ME1: variants seen among roughly 807,000 people sequenced by gnomAD.
ME1 encodes the protein NADP-dependent malic enzyme.
Under a neutral mutation model 66.4 loss-of-function variants are expected in ME1, and 74 were observed. The ratio of observed to expected loss-of-function variants is 1.11; its 90% CI spans 0.92 to 1.35. ME1 has a LOEUF of 1.35. Among genes scored for constraint, ME1 ranks in the 40% most tolerant of loss-of-function variants. The pLI is 0.00. For synonymous variants in ME1, 251 were observed against 235.6 expected, an observed-to-expected ratio of 1.07 and a Z score of -0.60; for missense variants, 750 against 694.1, an observed-to-expected ratio of 1.08 and a Z score of -0.90.
chr6:83,397,584 G>C (rs955644103), intron 3 of ME1, among the ~76,000 whole-genome samples: 1 of 152,050 alleles, frequency 6.6e-6, no homozygotes, highest in African/African-American at 2.4e-5. Context: ...AAAAAATTAA[G>C]AATAGAACTA....
rs533075015 is a variant in ME1, at chr6:83,313,246, T to A, written c.704+2064A>T. ...AGATCATTTTCCTGAAACAATGTTA[T>A]GACAGAAAGTATTTTTTTAGTCTTT... is the stretch of plus-strand genomic sequence containing the variant. On this transcript the variant is annotated intron_variant, in intron 6 of 13. Coordinates refer to ENST00000369705, the MANE Select transcript of ME1 (RefSeq NM_002395.6). Among the ~76,000 whole-genome samples the A allele has an allele frequency of 3.3e-5, 5 of 152,344 alleles. No homozygotes were observed. The East Asian group carries it at 9.6e-4, about 29-fold the overall frequency.
intron 9 of ME1, among the ~76,000 whole-genome samples, chr6:83,237,274 A>AGGAAG (rs1266845892): frequency 9.6e-5 from 8 of 83,732 alleles, no homozygotes; most frequent in African/African-American, 3.3e-4. Flanking sequence ...AAAGAAAGAA[A>AGGAAG]GAAAGGAAGG....
At chr6:83,301,507 TA>T (rs1767720075) in intron 6 of ME1, among the ~76,000 whole-genome samples, 1 of 152,028 alleles carries the variant, frequency 6.6e-6, no homozygotes. Context: ...CATGCCTGGC[TA>T]ATTTTTGTAT....
chr6:83,310,262 T>G (rs1200227410), intron 6 of ME1, among the ~76,000 whole-genome samples: 1 of 152,124 alleles, frequency 6.6e-6, no homozygotes, highest in Non-Finnish European at 1.5e-5. Flanking sequence ...TGCAGGAATA[T>G]AAAGCCTTGA....
chr6:83,405,519 T>C (rs1273861929), intron 2 of ME1, among the ~76,000 whole-genome samples: 1 of 152,144 alleles, frequency 6.6e-6, no homozygotes, highest in Non-Finnish European at 1.5e-5. Flanking sequence ...CTGATTGACC[T>C]AGCCAGAACT....
chr6:83,357,988 TC>T (rs1268216691), intron 3 of ME1, among the ~76,000 whole-genome samples: 1 of 135,758 alleles, frequency 7.4e-6, no homozygotes, highest in Non-Finnish European at 1.6e-5. Flanking sequence ...ATTAGTTCTG[TC>T]CCTCTAGAGA....
intron 6 of ME1, among the ~76,000 whole-genome samples, chr6:83,277,364 C>G (rs1441853315): frequency 6.6e-6 from 1 of 152,070 alleles, no homozygotes; most frequent in Admixed American, 6.5e-5. Context: ...GCCTCAGCAC[C>G]CCCAGTTTAA....
chr6:83,242,247 T>C (rs1383603363), intron 7 of ME1, among the ~76,000 whole-genome samples: 1 of 152,208 alleles, frequency 6.6e-6, no homozygotes, highest in African/African-American at 2.4e-5. Flanking sequence ...TTTAGAAACT[T>C]ACGACTTTAA....
chr6:83,426,914 T>C (rs1169038514), intron 1 of ME1, among the ~76,000 whole-genome samples: 2 of 152,152 alleles, frequency 1.3e-5, no homozygotes, highest in Non-Finnish European at 2.9e-5. Flanking sequence ...TTTTCTACCA[T>C]TGCAAAGGGA....
At chr6:83,419,807 A>G (rs1038538712) in intron 1 of ME1, among the ~76,000 whole-genome samples, 2 of 152,304 alleles carry the variant, frequency 1.3e-5, no homozygotes, top group East Asian at 1.9e-4. Flanking sequence ...ATTGCCTACG[A>G]CAACATCTAT....
rs147037561 is a variant in ME1, at chr6:83,319,404, A to G, written c.601-3991T>C. Among the ~76,000 whole-genome samples the G allele has an allele frequency of 3.9e-3, 601 of 152,300 alleles. 3 individuals are homozygous for G. Among genetic ancestry groups the G allele is most frequent in the African/African-American group, 0.014 (565 of 41,588 alleles). ...ATCACTCTGACATGCCAGCCAACAT[A>G]GGAAGGAGGCCTATTTTGAAAGAAT... On this transcript the variant is annotated intron_variant, in intron 5 of 13. Coordinates refer to ENST00000369705, the MANE Select transcript of ME1 (RefSeq NM_002395.6).
chr6:83,377,450 T>C (rs183811888), intron 3 of ME1, among the ~76,000 whole-genome samples: 4 of 152,296 alleles, frequency 2.6e-5, no homozygotes, highest in Admixed American at 2.0e-4. Flanking sequence ...CTATCAAAAA[T>C]GTCTTTTCAG....
chr6:83,249,861 C>T (rs1350979575), intron 7 of ME1, among the ~76,000 whole-genome samples: 1 of 152,166 alleles, frequency 6.6e-6, no homozygotes, highest in Non-Finnish European at 1.5e-5. Context: ...ATGTCTAGGC[C>T]TTTCCCCCAT....
intron 2 of ME1, among the ~76,000 whole-genome samples, chr6:83,406,170 G>C (rs1769940530): frequency 6.6e-6 from 1 of 152,166 alleles, no homozygotes; most frequent in Admixed American, 6.5e-5. Context: ...TGCATCCCAG[G>C]GATGAAGCCA....
chr6:83,279,606 AAGAG>A (rs1331919591), intron 6 of ME1, among the ~76,000 whole-genome samples: 4 of 152,162 alleles, frequency 2.6e-5, no homozygotes, highest in African/African-American at 9.6e-5. Flanking sequence ...AAAGAGAAAA[AAGAG>A]AGAGAGAAAA....
chr6:83,248,697 T>C (rs1790667075), intron 7 of ME1, among the ~76,000 whole-genome samples: 1 of 152,162 alleles, frequency 6.6e-6, no homozygotes, highest in Admixed American at 6.5e-5. Flanking sequence ...CCTTCACTCA[T>C]CTCTCTCCTG....
intron 6 of ME1, among the ~76,000 whole-genome samples, chr6:83,299,680 G>C (rs1042161139): frequency 6.6e-6 from 1 of 152,156 alleles, no homozygotes; most frequent in African/African-American, 2.4e-5. Context: ...ACTTGTGCCA[G>C]TTTTCAAGGG....
rs142379311 is a variant in ME1, at chr6:83,401,449, G to A, written c.213-2933C>T. Among the ~76,000 whole-genome samples, 726 of 152,132 alleles carry A rather than the reference G, an allele frequency of 4.8e-3. 3 individuals are homozygous for A. Among genetic ancestry groups the A allele is most frequent in the African/African-American group, 0.016 (666 of 41,478 alleles). ...ACTGAATTGATGTTCAATATATATC[G>A]AGGAACAGTCTGTAGCAAATATATG... On this transcript the variant is annotated intron_variant, in intron 2 of 13. Coordinates refer to ENST00000369705, the MANE Select transcript of ME1 (RefSeq NM_002395.6).
At position 83,237,730 on chromosome 6, in the gene ME1, C is replaced by T; in HGVS notation, c.1013G>A (p.Gly338Glu). The change falls in exon 9 of 14, where the codon GGA (glycine) becomes GAA (glutamate). Residue 338 changes from glycine to glutamate, a missense_variant. Gly to Glu is a moderately conservative substitution (Grantham distance 98, BLOSUM62 -2). Coordinates refer to ENST00000369705, the MANE Select transcript of ME1 (RefSeq NM_002395.6). Reference sequence around the variant, plus strand: ...ACAAATTCTTACCTTAACTATTAATCCTTTTGAATCAACCAGCCATATCTT... The same window carrying T: ...ACAAATTCTTACCTTAACTATTAATTCTTTTGAATCAACCAGCCATATCTT... ...IKKIWLVDSK[G>E]LIVKGRASLT... The T allele has an allele frequency of 1.9e-6, 3 of 1,585,244 alleles. No homozygotes were observed. Among genetic ancestry groups the T allele is most frequent in the African/African-American group, 1.4e-5 (1 of 74,048 alleles).
Sources: allele counts gnomAD v4.1 joint callset (sites outside exome capture counted in the v4.1 genomes callset), GRCh38; gene constraint gnomAD v4.1.1; transcripts MANE v1.5; gene names NCBI Gene and HGNC (gene_info 2026-07-23, HGNC 2026-07-21).